Variants in ST6GALNAC3 observed in about 807,000 individuals in gnomAD.
ST6GALNAC3 encodes ST6 N-acetylgalactosaminide alpha-2,6-sialyltransferase 3, also known as alpha-N-acetylgalactosaminide alpha-2,6-sialyltransferase 3.
In ST6GALNAC3, 25 loss-of-function variants were observed where a neutral mutation model predicts 32.7. The observed-to-expected ratio is 0.76, with a 90% CI of 0.56 to 1.07. The LOEUF is 1.07. Ranked by LOEUF, ST6GALNAC3 falls within the 50% of genes least tolerant of loss-of-function variation. ST6GALNAC3 has a pLI of 0.00. For missense variants in ST6GALNAC3, 355 were observed against 382.4 expected (o/e 0.93, Z 0.60); for synonymous variants, 129 against 133.1 (o/e 0.97, Z 0.21).
At chr1:76,250,443 ACACAC>A (rs1557727094) in intron 1 of ST6GALNAC3, among the ~76,000 whole-genome samples, 1 of 152,170 alleles carries the variant, frequency 6.6e-6, no homozygotes, top group Non-Finnish European at 1.5e-5. Flanking sequence ...TTTAAGTGAG[ACACAC>A]CAGCCAAGTG....
intron 3 of ST6GALNAC3, among the ~76,000 whole-genome samples, chr1:76,493,680 A>G (rs1481311313): frequency 6.6e-6 from 1 of 152,048 alleles, no homozygotes; most frequent in African/African-American, 2.4e-5. Context: ...GTTGGGTCTG[A>G]CTTCTGTCTT....
At chr1:76,426,978 C>A (rs762138539) in intron 3 of ST6GALNAC3, among the ~76,000 whole-genome samples, 37 of 151,950 alleles carry the variant, frequency 2.4e-4, no homozygotes, top group Middle Eastern at 3.4e-3. Flanking sequence ...ATAATTTAAT[C>A]CAAAAAAGTA....
At chr1:76,467,311 G>A (rs766627086) in intron 3 of ST6GALNAC3, among the ~76,000 whole-genome samples, 106 of 151,942 alleles carry the variant, frequency 7.0e-4, no homozygotes, top group Non-Finnish European at 4.4e-4. Context: ...TATGAGTGGC[G>A]TAAGTAGGCT....
At chr1:76,377,492 C>T (rs1486907226) in intron 2 of ST6GALNAC3, among the ~76,000 whole-genome samples, 4 of 151,784 alleles carry the variant, frequency 2.6e-5, no homozygotes. Flanking sequence ...GAAAGTGCTA[C>T]ATACTTCCAA....
intron 2 of ST6GALNAC3, among the ~76,000 whole-genome samples, chr1:76,371,351 C>G (rs1193289394): frequency 6.6e-6 from 1 of 151,912 alleles, no homozygotes; most frequent in Non-Finnish European, 1.5e-5. Context: ...TTATACTGTG[C>G]CTGAGTGAAA....
chr1:76,608,716 TA>T (rs1270488350), intron 3 of ST6GALNAC3, among the ~76,000 whole-genome samples: 3 of 151,676 alleles, frequency 2.0e-5, no homozygotes, highest in East Asian at 1.9e-4. Flanking sequence ...ATTTTTATAT[TA>T]AAAAATTAAC....
At chr1:76,479,087 A>C (rs1241587878) in intron 3 of ST6GALNAC3, among the ~76,000 whole-genome samples, 2 of 152,106 alleles carry the variant, frequency 1.3e-5, no homozygotes, top group Non-Finnish European at 2.9e-5. Flanking sequence ...GAGTCTTCCT[A>C]GAACACTGTA....
At chr1:76,124,940 A>G (rs1224702902) in intron 1 of ST6GALNAC3, among the ~76,000 whole-genome samples, 5 of 152,246 alleles carry the variant, frequency 3.3e-5, no homozygotes, top group African/African-American at 1.2e-4. Context: ...TGATTAAAAA[A>G]TGCAAAATAT....
At chr1:76,589,596 C>A (rs1461962556) in intron 3 of ST6GALNAC3, among the ~76,000 whole-genome samples, 1 of 151,904 alleles carries the variant, frequency 6.6e-6, no homozygotes, top group African/African-American at 2.4e-5. Context: ...GTCTGAAATT[C>A]AGCATTAATA....
chr1:76,282,865 C>T (rs1163847341), intron 1 of ST6GALNAC3, among the ~76,000 whole-genome samples: 1 of 71,114 alleles, frequency 1.4e-5, no homozygotes, highest in Non-Finnish European at 3.2e-5. Context: ...CCCATCTCTA[C>T]TAAAAAAAAA....
intron 1 of ST6GALNAC3, among the ~76,000 whole-genome samples, chr1:76,277,611 T>TAC (rs200054620): frequency 0.048 from 2,453 of 50,806 alleles, 31 homozygotes; most frequent in African/African-American, 0.11. Flanking sequence ...TATATATATA[T>TAC]ACACACACAC....
chr1:76,612,662 C>A (rs537760599), intron 3 of ST6GALNAC3, among the ~76,000 whole-genome samples: 1 of 152,116 alleles, frequency 6.6e-6, no homozygotes, highest in East Asian at 1.9e-4. Context: ...ATGTGCAAAT[C>A]GGCAGTTGCA....
At chr1:76,232,968 G>A (rs1203477415) in intron 1 of ST6GALNAC3, among the ~76,000 whole-genome samples, 5 of 152,142 alleles carry the variant, frequency 3.3e-5, no homozygotes, top group Admixed American at 3.3e-4. Context: ...TTTGGACACT[G>A]TACTTAACCT....
At chr1:76,401,489 A>G (rs1183914094) in intron 2 of ST6GALNAC3, among the ~76,000 whole-genome samples, 2 of 152,104 alleles carry the variant, frequency 1.3e-5, no homozygotes, top group East Asian at 1.9e-4. Context: ...CCGTATGTGG[A>G]GATTTTATGT....
At chr1:76,448,442 G>T (rs892197332) in intron 3 of ST6GALNAC3, among the ~76,000 whole-genome samples, 2 of 152,192 alleles carry the variant, frequency 1.3e-5, no homozygotes, top group African/African-American at 4.8e-5. Flanking sequence ...TTGAGGGACT[G>T]TTGGGAAGGC....
intron 1 of ST6GALNAC3, among the ~76,000 whole-genome samples, chr1:76,235,316 G>A (rs1656587762): frequency 6.6e-6 from 1 of 152,022 alleles, no homozygotes; most frequent in Admixed American, 6.6e-5. Flanking sequence ...GTCTAGCCTG[G>A]GCAGTATGGT....
At chr1:76,115,791 G>T (rs1043761363) in intron 1 of ST6GALNAC3, among the ~76,000 whole-genome samples, 1 of 152,162 alleles carries the variant, frequency 6.6e-6, no homozygotes, top group Non-Finnish European at 1.5e-5. Context: ...ATCAGAATAT[G>T]AGGTGTGAAA....
In ST6GALNAC3 at chr1:76,112,629, T is replaced by C. The variant is rs1309209002; in HGVS notation, c.18+37745T>C. ...GCTCCTCACTTCTCAGACGGGGCGGTTGCTGGGCGGAGGGGCTCCTCACTT... is the reference window on the plus strand; with the variant it reads ...GCTCCTCACTTCTCAGACGGGGCGGCTGCTGGGCGGAGGGGCTCCTCACTT... On this transcript the variant is annotated intron_variant, in intron 1 of 4. Transcript: ENST00000328299. 6.3e-5 allele frequency among the ~76,000 whole-genome samples: 9 copies of C among 143,686 alleles called. No homozygotes were observed. In the South Asian group the frequency reaches 1.4e-3, roughly 22 times the overall value. The allele number at this position is 143,686 out of a possible 152,430, so 94.3% of individuals were successfully genotyped here.
chr1:76,611,024 G>A (rs1570442785), intron 3 of ST6GALNAC3, among the ~76,000 whole-genome samples: 2 of 151,858 alleles, frequency 1.3e-5, no homozygotes, highest in Non-Finnish European at 2.9e-5. Flanking sequence ...AAAAGGTGGG[G>A]CATACATTAA....
Sources: gnomAD v4.1 joint callset for allele counts (sites outside exome capture counted in the v4.1 genomes callset) on GRCh38, gnomAD v4.1.1 for gene constraint, MANE v1.5 for transcripts, NCBI Gene and HGNC (gene_info 2026-07-23, HGNC 2026-07-21) for gene names.